The following LRP1B variants were observed in gnomAD, a reference collection of about 807,000 sequenced individuals.
LRP1B encodes LDL receptor related protein 1B, also known as low-density lipoprotein receptor-related protein 1B.
A neutral mutation model predicts 556.6 loss-of-function variants in LRP1B; 217 were observed. That is an observed-to-expected ratio of 0.39 (90% CI 0.35 to 0.44). LRP1B has a LOEUF of 0.44. Among genes scored for constraint, LRP1B ranks in the 20% least tolerant of loss-of-function variants. LRP1B has a pLI of 1.00. For missense variants in LRP1B, 5,053 were observed against 5,620.8 expected (o/e 0.90, Z 3.23); for synonymous variants, 2,047 against 1,865.8 (o/e 1.10, Z -2.50).
intron 1 of LRP1B, among the ~76,000 whole-genome samples, chr2:141,948,623 G>C (rs868645597): frequency 3.3e-5 from 5 of 152,046 alleles, no homozygotes; most frequent in Non-Finnish European, 5.9e-5. Flanking sequence ...AACTCTTGAT[G>C]AGCATTGAAG....
intron 3 of LRP1B, among the ~76,000 whole-genome samples, chr2:141,315,689 C>A (rs1227727881): frequency 6.6e-6 from 1 of 151,870 alleles, no homozygotes; most frequent in East Asian, 1.9e-4. Flanking sequence ...GATGAACTAA[C>A]AGAAGATTCT....
chr2:141,034,112 C>A (rs1426352665), intron 11 of LRP1B, among the ~76,000 whole-genome samples: 3 of 152,060 alleles, frequency 2.0e-5, no homozygotes, highest in African/African-American at 7.2e-5. Context: ...TTATTAGGAT[C>A]ATGGTGTTCC....
intron 57 of LRP1B, among the ~76,000 whole-genome samples, chr2:140,491,655 A>T (rs948046749): frequency 2.6e-5 from 4 of 152,160 alleles, no homozygotes; most frequent in Non-Finnish European, 5.9e-5. Context: ...TCCCTCTTGA[A>T]GCAGTTATAT....
chr2:140,634,884 C>G (rs1684017776), intron 41 of LRP1B, among the ~76,000 whole-genome samples: 1 of 151,926 alleles, frequency 6.6e-6, no homozygotes, highest in African/African-American at 2.4e-5. Flanking sequence ...GGATGGAATC[C>G]TGAAACAACA....
intron 7 of LRP1B, among the ~76,000 whole-genome samples, chr2:141,181,604 G>T (rs1457444596): frequency 6.6e-6 from 1 of 151,856 alleles, no homozygotes; most frequent in East Asian, 1.9e-4. Flanking sequence ...GAACGTTTTT[G>T]CATTGTGTTG....
chr2:140,273,335 G>GTATA (rs1682542888), intron 85 of LRP1B, among the ~76,000 whole-genome samples: 1 of 90,780 alleles, frequency 1.1e-5, no homozygotes, highest in African/African-American at 3.6e-5. Context: ...AACATGATTT[G>GTATA]GACGCATGTT....
chr2:141,161,720 T>G (rs971520776), intron 7 of LRP1B, among the ~76,000 whole-genome samples: 3 of 152,098 alleles, frequency 2.0e-5, no homozygotes, highest in African/African-American at 7.2e-5. Context: ...AATGCTTCCC[T>G]TTAGGGCAAA....
chr2:141,335,696 C>T (rs182282214), intron 3 of LRP1B, among the ~76,000 whole-genome samples: 10 of 152,064 alleles, frequency 6.6e-5, no homozygotes, highest in Admixed American at 5.9e-4. Context: ...CTAGCACAGA[C>T]GAGAGGTATT....
intron 2 of LRP1B, among the ~76,000 whole-genome samples, chr2:141,559,308 T>C (rs16846467): frequency 6.6e-6 from 1 of 151,516 alleles, no homozygotes; most frequent in Admixed American, 6.6e-5. Flanking sequence ...TTGATTTCTG[T>C]CAGCAGTGCA....
chr2:140,630,709 G>C (rs2105275768), intron 41 of LRP1B, among the ~76,000 whole-genome samples: 1 of 152,286 alleles, frequency 6.6e-6, no homozygotes, highest in South Asian at 2.1e-4. Context: ...AAAGGGAAAA[G>C]TAAGCGTTTA....
chr2:140,903,735 T>G (rs1233907626), intron 22 of LRP1B, among the ~76,000 whole-genome samples: 1 of 151,732 alleles, frequency 6.6e-6, no homozygotes, highest in African/African-American at 2.4e-5. Flanking sequence ...GTTAGGTGAA[T>G]TATACATTGT....
At chr2:140,702,048 A>C in intron 39 of LRP1B, 93 bp downstream of exon 39, 1 of 1,452,522 alleles carries the variant, frequency 6.9e-7, no homozygotes, top group East Asian at 2.3e-5. Context: ...CCTTTTTGTG[A>C]CCTTGCTAAG....
At chr2:141,786,564 A>T (rs1474136495) in intron 2 of LRP1B, among the ~76,000 whole-genome samples, 1 of 151,908 alleles carries the variant, frequency 6.6e-6, no homozygotes, top group African/African-American at 2.4e-5. Context: ...TTTTCTACCT[A>T]TAATATCAAG....
At chr2:140,406,030 A>T (rs895318636) in intron 66 of LRP1B, among the ~76,000 whole-genome samples, 1 of 152,152 alleles carries the variant, frequency 6.6e-6, no homozygotes, top group Non-Finnish European at 1.5e-5. Context: ...TGCAGCAATG[A>T]TTTAACATAT....
At chr2:142,023,012 C>T (rs1406775878) in intron 1 of LRP1B, among the ~76,000 whole-genome samples, 1 of 152,036 alleles carries the variant, frequency 6.6e-6, no homozygotes, top group Non-Finnish European at 1.5e-5. Context: ...TCTAGAAGAC[C>T]ACAGCTAAAG....
intron 32 of LRP1B, among the ~76,000 whole-genome samples, chr2:140,807,507 A>ATTTT (rs368741661): frequency 1.5e-5 from 2 of 132,386 alleles, no homozygotes; most frequent in African/African-American, 2.8e-5. Flanking sequence ...CGCCTTGCTA[A>ATTTT]TTTTTTTTTT....
At chr2:140,873,017 C>G (rs1350919965) in intron 25 of LRP1B, among the ~76,000 whole-genome samples, 1 of 151,896 alleles carries the variant, frequency 6.6e-6, no homozygotes, top group Non-Finnish European at 1.5e-5. Flanking sequence ...AATACTTTAT[C>G]AGGAAAAAAA....
chr2:141,811,400 C>CATT lies in LRP1B; in HGVS notation c.83-1002_83-1000dup, dbSNP rs145093404. ...ATAAAAATTCTAAGTGATATGAAAG[C>CATT]ATTAGGCCATAACTTAATTGACAGT... On this transcript the variant is annotated intron_variant, in intron 1 of 90. Transcript: ENST00000389484. Among the ~76,000 whole-genome samples the CATT allele has an allele frequency of 4.0e-3, 613 of 151,854 alleles. 5 individuals carry two copies. The highest frequency in any genetic ancestry group is 0.014 in the African/African-American group (578 of 41,424).
rs538615629 is a variant in LRP1B at position 141,214,378 on chromosome 2, T to C, written c.850+14805A>G. Among the ~76,000 whole-genome samples, 69 of 152,316 alleles carry C rather than the reference T, an allele frequency of 4.5e-4. 1 individual carries two copies. The Middle Eastern group carries it at 0.02, about 45-fold the overall frequency. ...TACCACAGACACCCGAGCCTGTCCT[T>C]TAACTGTTACTCTAAAAGACATCAG... On this transcript the variant is annotated intron_variant, in intron 6 of 90. Transcript: ENST00000389484.
Sources: gnomAD v4.1 joint callset for allele counts (sites outside exome capture counted in the v4.1 genomes callset) on GRCh38, gnomAD v4.1.1 for gene constraint, MANE v1.5 for transcripts, NCBI Gene and HGNC (gene_info 2026-07-23, HGNC 2026-07-21) for gene names.